The following ACTR3C variants were observed in gnomAD, a reference collection of about 807,000 sequenced individuals.
The protein encoded by ACTR3C is actin-related protein 3C.
ACTR3C carries 18 observed loss-of-function variants against 26.3 expected under a neutral mutation model. That is an observed-to-expected ratio of 0.68 (90% CI 0.47 to 1.01). The LOEUF is 1.01. Among genes scored for constraint, ACTR3C ranks in the 50% least tolerant of loss-of-function variants. The pLI is 0.00. For synonymous variants in ACTR3C, 55 were observed against 94.5 expected, an observed-to-expected ratio of 0.58 and a Z score of 2.42; for missense variants, 184 against 250.7, an observed-to-expected ratio of 0.73 and a Z score of 1.80.
chr7:150,022,377 T>C, the ACTR3C span, among the ~76,000 whole-genome samples: 1 of 151,508 alleles, frequency 6.6e-6, no homozygotes, highest in Admixed American at 6.6e-5. Flanking sequence ...TAGTACTGTG[T>C]CAGATACATA....
At chr7:150,042,724 G>A in the ACTR3C span, among the ~76,000 whole-genome samples, 2 of 151,708 alleles carry the variant, frequency 1.3e-5, no homozygotes, top group Non-Finnish European at 1.5e-5. Context: ...CAGGGCAGTT[G>A]CTGCCAAGGC....
the ACTR3C span, among the ~76,000 whole-genome samples, chr7:150,039,573 T>C: frequency 6.9e-6 from 1 of 145,398 alleles, no homozygotes; most frequent in Non-Finnish European, 1.5e-5. Context: ...GGACTGGCTC[T>C]CAGTAATCCC....
chr7:150,133,550 A>G, the ACTR3C span, among the ~76,000 whole-genome samples: 1 of 152,062 alleles, frequency 6.6e-6, no homozygotes, highest in Non-Finnish European at 1.5e-5. Context: ...AATGCATTGG[A>G]CCTGGAATAT....
At chr7:150,111,958 T>C in the ACTR3C span, among the ~76,000 whole-genome samples, 2 of 152,020 alleles carry the variant, frequency 1.3e-5, no homozygotes, top group African/African-American at 4.8e-5. Flanking sequence ...CCTCGTTTTT[T>C]AAGTCTTGGG....
the ACTR3C span, among the ~76,000 whole-genome samples, chr7:150,051,091 C>T: frequency 3.0e-5 from 4 of 135,124 alleles, no homozygotes; most frequent in South Asian, 2.4e-4. Flanking sequence ...CGACAGAGCA[C>T]GACTCCATCT....
chr7:149,883,291 T>C, the ACTR3C span, among the ~76,000 whole-genome samples: 1 of 152,086 alleles, frequency 6.6e-6, no homozygotes, highest in Non-Finnish European at 1.5e-5. Flanking sequence ...AGTCACTATG[T>C]ACCCAACTTC....
the ACTR3C span, among the ~76,000 whole-genome samples, chr7:150,169,012 G>T: frequency 4.0e-5 from 6 of 150,534 alleles, no homozygotes; most frequent in African/African-American, 1.5e-4. Flanking sequence ...TTGGGAAGTG[G>T]GTCCTTTGGG....
chr7:149,959,726 A>G, the ACTR3C span, among the ~76,000 whole-genome samples: 1 of 152,238 alleles, frequency 6.6e-6, no homozygotes, highest in Non-Finnish European at 1.5e-5. Flanking sequence ...TCAACGGGGT[A>G]GAAAGGTTTT....
At chr7:149,947,981 T>A in the ACTR3C span, among the ~76,000 whole-genome samples, 11 of 151,620 alleles carry the variant, frequency 7.3e-5, no homozygotes, top group Admixed American at 5.2e-4. Context: ...GCCAGGATGA[T>A]GGTGCAAACC....
At chr7:149,892,443 T>C in the ACTR3C span, 2 of 1,532,412 alleles carry the variant, frequency 1.3e-6, no homozygotes, top group African/African-American at 2.8e-5. Context: ...ACTATCCATA[T>C]CTATTTAAAT....
the ACTR3C span, among the ~76,000 whole-genome samples, chr7:149,964,942 C>A: frequency 6.6e-6 from 1 of 152,044 alleles, no homozygotes; most frequent in Non-Finnish European, 1.5e-5. Context: ...CCCTCATCTG[C>A]AAAACTTGCC....
At chr7:150,155,023 C>T in the ACTR3C span, among the ~76,000 whole-genome samples, 2 of 152,292 alleles carry the variant, frequency 1.3e-5, no homozygotes, top group African/African-American at 4.8e-5. Flanking sequence ...TAAGAAGAAT[C>T]GACCTGGCTG....
At chr7:150,267,360 C>T (rs778336621) in intron 6 of ACTR3C, among the ~76,000 whole-genome samples, 6 of 152,232 alleles carry the variant, frequency 3.9e-5, no homozygotes, top group Non-Finnish European at 7.3e-5. Flanking sequence ...GCACACCATT[C>T]TGAGAAGTAT....
chr7:149,927,432 A>T, the ACTR3C span, among the ~76,000 whole-genome samples: 30 of 56,280 alleles, frequency 5.3e-4, no homozygotes, highest in African/African-American at 5.5e-4. Flanking sequence ...TGACTATTTA[A>T]AAAAAAAAAA....
At chr7:149,891,829 A>AAC in the ACTR3C span, among the ~76,000 whole-genome samples, 1 of 25,526 alleles carries the variant, frequency 3.9e-5, no homozygotes, top group Non-Finnish European at 1.7e-4. Context: ...ATCTCTAAAA[A>AAC]AACAACAAAA....
At chr7:150,225,021 G>GTGTA in the ACTR3C span, among the ~76,000 whole-genome samples, 1 of 151,530 alleles carries the variant, frequency 6.6e-6, no homozygotes, top group Non-Finnish European at 1.5e-5. Context: ...GTGTGTGTGT[G>GTGTA]TGTGTGTGTG....
the ACTR3C span, chr7:150,076,551 G>A: frequency 6.6e-6 from 1 of 152,018 alleles, no homozygotes; most frequent in African/African-American, 2.4e-5. Flanking sequence ...CTTATAAAGA[G>A]ATATTTTACA....
chr7:150,054,675 T>G, the ACTR3C span, among the ~76,000 whole-genome samples: 159 of 152,324 alleles, frequency 1.0e-3, 1 homozygote, highest in African/African-American at 3.8e-3. Context: ...AAATACTTGT[T>G]GGGTAAGTCA....
chr7:150,220,801 G>T, the ACTR3C span, among the ~76,000 whole-genome samples: 2 of 152,310 alleles, frequency 1.3e-5, no homozygotes, highest in Non-Finnish European at 2.9e-5. Context: ...ACGGGTGCGC[G>T]CTCCGCTCCA....
Sources: allele counts gnomAD v4.1 joint callset (sites outside exome capture counted in the v4.1 genomes callset), GRCh38; gene constraint gnomAD v4.1.1; transcripts MANE v1.5; gene names NCBI Gene and HGNC (gene_info 2026-07-23, HGNC 2026-07-21).